IGSF10: variants seen among roughly 807,000 people sequenced by gnomAD.
IGSF10 encodes calvaria mechanical force protein 608.
A neutral mutation model predicts 128.2 loss-of-function variants in IGSF10; 126 were observed. The observed-to-expected ratio is 0.98, with a 90% CI of 0.85 to 1.14. The LOEUF (loss-of-function observed/expected upper bound fraction) is 1.14, where lower values mean the gene tolerates loss of function less well. Ranked by LOEUF, IGSF10 falls within the 50% of genes most tolerant of loss-of-function variation. The pLI is 0.00. For missense variants in IGSF10, 3,295 were observed against 3,149.8 expected (o/e 1.05, Z -1.10); for synonymous variants, 1,185 against 1,146.2 (o/e 1.03, Z -0.68).
intron 7 of IGSF10, among the ~76,000 whole-genome samples, chr3:151,441,224 A>G (rs1434053225): frequency 1.3e-5 from 2 of 152,192 alleles, no homozygotes; most frequent in Non-Finnish European, 2.9e-5. Context: ...AGACAGAACT[A>G]TTGATGTTTC....
At chr3:151,534,794 A>G in the IGSF10 span, among the ~76,000 whole-genome samples, 3 of 97,184 alleles carry the variant, frequency 3.1e-5, no homozygotes, top group East Asian at 9.7e-4. Context: ...CCCAGAATTT[A>G]AAGTGTATGT....
the IGSF10 span, among the ~76,000 whole-genome samples, chr3:151,582,617 A>G: frequency 1.3e-5 from 2 of 152,136 alleles, no homozygotes; most frequent in African/African-American, 4.8e-5. Flanking sequence ...CATTGTATGA[A>G]CATATTGTTA....
chr3:151,465,543 T>C (rs1348612306), upstream of IGSF10, among the ~76,000 whole-genome samples: 1 of 152,200 alleles, frequency 6.6e-6, no homozygotes, highest in Non-Finnish European at 1.5e-5. Flanking sequence ...TCTTCTAGTT[T>C]CTTCTTCTTT....
chr3:151,489,753 T>C, the IGSF10 span, among the ~76,000 whole-genome samples: 1 of 151,998 alleles, frequency 6.6e-6, no homozygotes, highest in African/African-American at 2.4e-5. Context: ...TTCTCACTCA[T>C]AAGTGGGAGT....
the IGSF10 span, among the ~76,000 whole-genome samples, chr3:151,587,848 TTGCC>T: frequency 6.6e-6 from 1 of 152,228 alleles, no homozygotes; most frequent in Non-Finnish European, 1.5e-5. Flanking sequence ...AGCTCTCTCT[TTGCC>T]TGCTGCCATC....
chr3:151,527,801 T>TA, the IGSF10 span, among the ~76,000 whole-genome samples: 2 of 150,368 alleles, frequency 1.3e-5, no homozygotes, highest in African/African-American at 2.5e-5. Context: ...TTTTTTTTTT[T>TA]AATTAGCTGG....
At chr3:151,433,479 G>A (rs1719756783), downstream of IGSF10, 1 of 152,570 alleles carries the variant, frequency 6.6e-6, no homozygotes, top group Non-Finnish European at 1.5e-5. Flanking sequence ...GTTTCTTTGA[G>A]AGCCGCCCTA....
At chr3:151,556,092 G>A in the IGSF10 span, among the ~76,000 whole-genome samples, 2 of 152,174 alleles carry the variant, frequency 1.3e-5, no homozygotes, top group African/African-American at 2.4e-5. Context: ...TAGGGCTACA[G>A]AGGCCCCGCT....
the IGSF10 span, among the ~76,000 whole-genome samples, chr3:151,605,138 G>C: frequency 2.0e-5 from 3 of 152,184 alleles, no homozygotes; most frequent in South Asian, 6.2e-4. Context: ...GTTTAAACAA[G>C]AAGGAAGAGT....
the IGSF10 span, among the ~76,000 whole-genome samples, chr3:151,469,389 T>G: frequency 6.6e-6 from 1 of 152,308 alleles, no homozygotes; most frequent in Non-Finnish European, 1.5e-5. Context: ...TTCCTGTATC[T>G]GAACCCATCC....
chr3:151,573,695 G>A, the IGSF10 span, among the ~76,000 whole-genome samples: 1 of 152,166 alleles, frequency 6.6e-6, no homozygotes, highest in African/African-American at 2.4e-5. Flanking sequence ...TTGCCAGTCT[G>A]TGTCTTTTAA....
the IGSF10 span, among the ~76,000 whole-genome samples, chr3:151,612,273 T>G: frequency 6.6e-6 from 1 of 152,222 alleles, no homozygotes; most frequent in Non-Finnish European, 1.5e-5. Flanking sequence ...ATTTCCTGTC[T>G]TATTCAAGCC....
the IGSF10 span, among the ~76,000 whole-genome samples, chr3:151,557,287 A>G: frequency 6.6e-6 from 1 of 152,226 alleles, no homozygotes; most frequent in East Asian, 1.9e-4. Context: ...AGAGTAAATA[A>G]ATTTAAGAGA....
At chr3:151,544,403 ATCTT>A in the IGSF10 span, among the ~76,000 whole-genome samples, 1,256 of 152,238 alleles carry the variant, frequency 8.3e-3, 7 homozygotes, top group Middle Eastern at 0.014. Context: ...TCTACCTCAC[ATCTT>A]TCTTTTGGTA....
intron 2 of IGSF10, among the ~76,000 whole-genome samples, chr3:151,459,760 CTCTT>C (rs938686442): frequency 6.6e-6 from 1 of 152,070 alleles, no homozygotes; most frequent in African/African-American, 2.4e-5. Flanking sequence ...TTGAAATAAA[CTCTT>C]TATTGTGCTT....
chr3:151,498,793 C>T, the IGSF10 span, among the ~76,000 whole-genome samples: 1 of 152,074 alleles, frequency 6.6e-6, no homozygotes, highest in South Asian at 2.1e-4. Flanking sequence ...CATAATGGAC[C>T]TCATTGTTAA....
At chr3:151,440,987 C>T (rs532478353) in intron 7 of IGSF10, among the ~76,000 whole-genome samples, 11 of 152,328 alleles carry the variant, frequency 7.2e-5, no homozygotes, top group African/African-American at 2.6e-4. Flanking sequence ...TCCCAGCTAA[C>T]ATAAATAATT....
the IGSF10 span, among the ~76,000 whole-genome samples, chr3:151,574,259 G>A: frequency 6.6e-6 from 1 of 152,218 alleles, no homozygotes; most frequent in Non-Finnish European, 1.5e-5. Flanking sequence ...TTTCAATGTT[G>A]GCCTGCCTTG....
At chr3:151,526,914 T>A in the IGSF10 span, among the ~76,000 whole-genome samples, 6 of 152,200 alleles carry the variant, frequency 3.9e-5, no homozygotes, top group Non-Finnish European at 8.8e-5. Context: ...GCCACCAGCT[T>A]GATCTTGGTA....
Sources: gnomAD v4.1 joint callset for allele counts (sites outside exome capture counted in the v4.1 genomes callset) on GRCh38, gnomAD v4.1.1 for gene constraint, MANE v1.5 for transcripts, NCBI Gene and HGNC (gene_info 2026-07-23, HGNC 2026-07-21) for gene names.